The following GYS1 variants were observed in gnomAD, a reference collection of about 807,000 sequenced individuals.
GYS1 encodes the protein glycogen synthase 1.
In GYS1, 60 loss-of-function variants were observed where a neutral mutation model predicts 89.1. The observed-to-expected ratio is 0.67, with a 90% CI of 0.55 to 0.84. The LOEUF (loss-of-function observed/expected upper bound fraction) is 0.84. GYS1 is among the 40% of genes least tolerant of loss of function. The pLI is 0.00. For missense variants in GYS1, 888 were observed against 1,003.1 expected, an observed-to-expected ratio of 0.89 and a Z score of 1.55; for synonymous variants, 366 against 401.7, an observed-to-expected ratio of 0.91 and a Z score of 1.06.
At chr19:48,979,649 T>TC (rs1408150358) in intron 8 of GYS1, among the ~76,000 whole-genome samples, 5 of 54,258 alleles carry the variant, frequency 9.2e-5, no homozygotes, top group South Asian at 6.1e-4. Flanking sequence ...TTTCTTTCTT[T>TC]TTTTTTTTTT....
rs146417520 is a variant in GYS1 at position 48,991,347 on chromosome 19, C to T, written c.255G>A (p.Pro85=). ...TGGAATCCAGTGTCCTCTTCAGGGC[C>T]GGGGTGGGGGCCTCCAGCAGTTCCA... The part of the protein sequence containing the change: ...TQVELLEAPT[P]ALKRTLDSMN... Residue 85 remains proline, a synonymous_variant, in exon 2 of 16, where the codon CCG becomes CCA. Transcript: ENST00000323798. The surrounding 1 kb of genome is among the most constrained non-coding windows in gnomAD (Gnocchi z 4.7). 8.1e-5 allele frequency: 130 copies of T among 1,614,060 alleles called. No homozygotes were observed. Among genetic ancestry groups the T allele is most frequent in the Non-Finnish European group, 8.9e-5 (105 of 1,180,038 alleles).
chr19:48,985,826 C>T (rs763310867), intron 4 of GYS1, 24 bp downstream of exon 4: 2 of 1,610,970 alleles, frequency 1.2e-6, no homozygotes, highest in Admixed American at 1.7e-5. Flanking sequence ...TCGCAGTCCC[C>T]CATCTGCCAC....
In GYS1 at chr19:48,993,124, G is replaced by T. The variant is rs771475827; in HGVS notation, c.-12C>A. 39 of 1,455,532 alleles carry T rather than the reference G, an allele frequency of 2.7e-5. No individual in the cohort carries two copies. Among genetic ancestry groups the T allele is most frequent in the Non-Finnish European group, 3.3e-5 (34 of 1,035,854 alleles). 90.2% of individuals were successfully genotyped at this position (1,455,532 alleles called of 1,614,324 possible). On this transcript the variant is annotated 5_prime_UTR_variant, in exon 1 of 16. Coordinates refer to ENST00000323798, the MANE Select transcript of GYS1 (RefSeq NM_002103.5). ...CGGTTTAAAGGCATGGCTGGCGCAG[G>T]AAGGGGGGCTCCGGGGATCTCCAGG...
intron 12 of GYS1, among the ~76,000 whole-genome samples, chr19:48,972,113 G>C (rs1338473795): frequency 6.6e-6 from 1 of 150,508 alleles, no homozygotes; most frequent in Non-Finnish European, 1.5e-5. Context: ...GGTGGATCAC[G>C]AGGTCAAGAA....
At chr19:48,984,621 C>T (rs1343960339) in intron 5 of GYS1, among the ~76,000 whole-genome samples, 2 of 152,024 alleles carry the variant, frequency 1.3e-5, no homozygotes, top group Admixed American at 6.6e-5. Flanking sequence ...GTCTCGATCT[C>T]CTGACCTCGT....
chr19:48,978,995 CCTCT>C (rs1465661681), intron 8 of GYS1, among the ~76,000 whole-genome samples: 1 of 152,110 alleles, frequency 6.6e-6, no homozygotes, highest in Non-Finnish European at 1.5e-5. Flanking sequence ...GGTGGCCTTC[CCTCT>C]CTGACTGCAG....
chr19:48,982,457 T>C lies in GYS1; in HGVS notation c.942-82A>G, dbSNP rs541487785. 178 of 1,534,428 alleles carry C rather than the reference T, an allele frequency of 1.2e-4. 1 individual carries two copies. In the South Asian group the frequency reaches 1.5e-3, roughly 13 times the overall value. On this transcript the variant is annotated intron_variant, in intron 6 of 15. Transcript: ENST00000323798. The stretch of plus-strand genomic sequence containing the variant: ...TCAAAACTACAAATCCCAGAAGCTA[T>C]GGGTGGGGGGGCAGAGGATGTCTTA...
Position 48,968,945 on chromosome 19 carries a change from A to C in GYS1, c.*343T>G. On this transcript the variant is annotated 3_prime_UTR_variant, in exon 16 of 16. Transcript: ENST00000323798. ...TGTAAGCCACACGGGGGGCTCTAAA[A>C]GCCCCAGACCTGAAAGCACCATGCC... 1.9e-6 allele frequency: 1 copy of C among 537,144 alleles called. No homozygotes were observed. The highest frequency in any genetic ancestry group is 3.6e-6 in the Non-Finnish European group (1 of 280,698). 33.3% of individuals were successfully genotyped at this position (537,144 alleles called of 1,614,324 possible). A position where few individuals can be genotyped will look rare whatever the true frequency, so the allele number is the denominator to read the frequency against.
intron 11 of GYS1, 44 bp downstream of exon 11, chr19:48,974,576 T>C: frequency 4.5e-6 from 6 of 1,335,732 alleles, no homozygotes; most frequent in Non-Finnish European, 6.5e-6. Context: ...ACCCAACCCC[T>C]TCCCTCTGCC....
At chr19:48,984,642 C>T (rs2038813762) in intron 5 of GYS1, among the ~76,000 whole-genome samples, 1 of 152,112 alleles carries the variant, frequency 6.6e-6, no homozygotes, top group Non-Finnish European at 1.5e-5. Flanking sequence ...GATCTGCCCG[C>T]CTTGGCCTCC....
At chr19:48,975,821 A>G (rs1302706202) in intron 10 of GYS1, among the ~76,000 whole-genome samples, 1 of 148,764 alleles carries the variant, frequency 6.7e-6, no homozygotes, top group African/African-American at 2.5e-5. Flanking sequence ...CTGGGGCAGG[A>G]GAACGGCATG....
intron 2 of GYS1, among the ~76,000 whole-genome samples, chr19:48,989,454 A>G (rs947135876): frequency 6.8e-6 from 1 of 147,788 alleles, no homozygotes; most frequent in Non-Finnish European, 1.5e-5. Context: ...TGCACTCCAG[A>G]CTCAGCGACA....
Position 48,969,571 on chromosome 19 carries a change from G to A in GYS1, c.1931C>T (p.Pro644Leu), listed in dbSNP as rs1188711399. The A allele has an allele frequency of 6.5e-7, 1 of 1,538,764 alleles. No homozygotes were observed. ...GGAGTGTCGTGACAGCGAGGGCGAC[G>A]GTGGCACCGAGGCTGGCCGTGGGTA... is the stretch of plus-strand genomic sequence containing the variant. The part of the protein sequence containing the change: ...YRYPRPASVP[P>L]SPSLSRHSSP... The change falls in exon 16 of 16, where the codon CCG (proline) becomes CTG (leucine). Residue 644 changes from proline (P) to leucine (L), a missense_variant. Pro to Leu is a moderately conservative substitution (Grantham distance 98). Transcript: ENST00000323798.
Position 48,974,337 on chromosome 19 carries a change from C to A in GYS1, c.1425G>T (p.Val475=). 2 of 1,613,998 alleles carry A rather than the reference C, an allele frequency of 1.2e-6. No individual in the cohort carries two copies. The highest frequency in any genetic ancestry group is 3.3e-4 in the Middle Eastern group (2 of 6,060). The change falls in exon 12 of 16, where the codon GTG becomes GTT. Residue 475 remains valine, a splice_region_variant and synonymous_variant. Transcript: ENST00000323798. ...LFNSSADRVK[V]IFHPEFLSST... ...AGGAGAGGAACTCCGGGTGGAAAAT[C>A]ACCTGGTAGTGAAAAAGAAGGACTC...
chr19:48,992,053 G>A (rs946440836), intron 1 of GYS1, among the ~76,000 whole-genome samples: 2 of 152,048 alleles, frequency 1.3e-5, no homozygotes, highest in Non-Finnish European at 2.9e-5. Flanking sequence ...CCAGCATGCA[G>A]GGCTCTGCCT....
Position 48,982,731 on chromosome 19 carries a change from G to A in GYS1, c.930C>T (p.Gly310=). Residue 310 remains glycine, a synonymous_variant, in exon 6 of 16, where the codon GGC becomes GGT. Transcript: ENST00000323798. ...TATGCCCCACGTACCCATAAAAATG[G>A]CCCCGCACAAACTCCTGGATTCGAG... ...SKARIQEFVR[G]HFYGHLDFNL... 2 of 1,606,908 alleles carry A rather than the reference G, an allele frequency of 1.2e-6. No homozygotes were observed. The highest frequency in any genetic ancestry group is 1.7e-6 in the Non-Finnish European group (2 of 1,173,530).
At position 48,991,552 on chromosome 19, in the gene GYS1, G is replaced by A. The variant is rs892094409; in HGVS notation, c.119-69C>T. 5.3e-6 allele frequency: 8 copies of A among 1,520,612 alleles called. No individual in the cohort carries two copies. Among genetic ancestry groups the A allele is most frequent in the Admixed American group, 3.3e-5 (2 of 59,712 alleles). 94.2% of individuals were successfully genotyped at this position (1,520,612 alleles called of 1,614,324 possible). A position where few individuals can be genotyped will look rare whatever the true frequency, so the allele number is the denominator to read the frequency against. On this transcript the variant is annotated intron_variant, in intron 1 of 15. Transcript: ENST00000323798. The surrounding 1 kb of genome is among the most constrained non-coding windows in gnomAD (Gnocchi z 4.7). ...TAGTTCTGGGGCCTGGGGTGGGGTG[G>A]GCCGGGGATGTAGGGGGCACTCAGG...
chr19:48,990,524 C>G (rs74809947), intron 2 of GYS1, among the ~76,000 whole-genome samples: 2,905 of 152,254 alleles, frequency 0.019, 83 homozygotes, highest in African/African-American at 0.066. Context: ...CCTCACTCTC[C>G]AAGCTTGGCT....
Position 48,982,373 on chromosome 19 carries a change from T to C in GYS1, c.944A>G (p.His315Arg), listed in dbSNP as rs1432327187. ...QEFVRGHFYG[H>R]LDFNLDKTLY... ...GGTCTTGTCCAAGTTGAAGTCCAGA[T>C]GCCTAAAGAACCCACAAGGCACGGT... is the stretch of plus-strand genomic sequence containing the variant. Residue 315 changes from histidine (H) to arginine (R), a missense_variant and splice_region_variant, in exon 7 of 16, where the codon CAT becomes CGT. By Grantham distance (29) the His-to-Arg change is conservative. Transcript: ENST00000323798. 1.2e-6 allele frequency: 2 copies of C among 1,613,814 alleles called. No individual in the cohort carries two copies. Among genetic ancestry groups the C allele is most frequent in the Non-Finnish European group, 1.7e-6 (2 of 1,179,856 alleles).
Sources: gnomAD v4.1 joint callset for allele counts (sites outside exome capture counted in the v4.1 genomes callset) on GRCh38, gnomAD v4.1.1 for gene constraint, Gnocchi (gnomAD v3.1) non-coding constraint, MANE v1.5 for transcripts, NCBI Gene and HGNC (gene_info 2026-07-23, HGNC 2026-07-21) for gene names.